The following MZT2B variants were observed in gnomAD, a reference collection of about 807,000 sequenced individuals.
The protein encoded by MZT2B is mitotic-spindle organizing protein 2B.
MZT2B carries 11 observed loss-of-function variants against 12.1 expected under a neutral mutation model. The ratio of observed to expected loss-of-function variants is 0.91; its 90% CI spans 0.57 to 1.50. MZT2B has a LOEUF of 1.50. Ranked by LOEUF, MZT2B falls within the 40% of genes most tolerant of loss-of-function variation. The pLI is 0.00. For missense variants in MZT2B, 209 were observed against 227.7 expected, an observed-to-expected ratio of 0.92 and a Z score of 0.53; for synonymous variants, 85 against 109.5, an observed-to-expected ratio of 0.78 and a Z score of 1.40.
At chr2:130,203,048 C>CTTTTTTCTTTTTTTTTTTTTTTTTTT in the MZT2B span, among the ~76,000 whole-genome samples, 1 of 118,528 alleles carries the variant, frequency 8.4e-6, no homozygotes, top group Non-Finnish European at 1.8e-5. Context: ...TTTCTTTTTT[C>CTTTTTTCTTTTTTTTTTTTTTTTTTT]TTTTTTTTTT....
the MZT2B span, among the ~76,000 whole-genome samples, chr2:130,201,954 T>C: frequency 3.0e-4 from 46 of 152,342 alleles, no homozygotes; most frequent in Admixed American, 1.2e-3. Context: ...CTGTCTGTTG[T>C]TGACCGAAAC....
the MZT2B span, among the ~76,000 whole-genome samples, chr2:130,201,333 A>T: frequency 6.6e-6 from 1 of 152,146 alleles, no homozygotes; most frequent in Non-Finnish European, 1.5e-5. Flanking sequence ...CTTAAACAGC[A>T]GGGTTTTATT....
downstream of MZT2B, chr2:130,195,169 C>T (rs775001454): frequency 6.2e-7 from 1 of 1,613,956 alleles, no homozygotes. Flanking sequence ...CATCTTCCTT[C>T]CCGGTGATCA....
intron 2 of MZT2B, among the ~76,000 whole-genome samples, chr2:130,190,158 A>G (rs970019149): frequency 1.3e-5 from 2 of 152,140 alleles, no homozygotes; most frequent in African/African-American, 2.4e-5. Context: ...GGACCAGCAC[A>G]CCTACCTTTC....
At position 130,182,871 on chromosome 2, in the gene MZT2B, A is replaced by C. The variant is rs1187712433; in HGVS notation, c.319+96A>C. 5 of 1,470,648 alleles carry C rather than the reference A, an allele frequency of 3.4e-6. No homozygotes were observed. In the African/African-American group the frequency reaches 4.2e-5, roughly 12 times the overall value. The allele number at this position is 1,470,648 out of a possible 1,614,324, so 91.1% of individuals were successfully genotyped here. On this transcript the variant is annotated intron_variant, in intron 2 of 2. Transcript: ENST00000281871. ...AGCGGCGGCGTGGCCCTGAGTGGCCAGGCCTGTCTGTCGGTCTAGGCCCAG... is the reference window on the plus strand; with the variant it reads ...AGCGGCGGCGTGGCCCTGAGTGGCCCGGCCTGTCTGTCGGTCTAGGCCCAG...
At chr2:130,184,336 C>T in intron 2 of MZT2B, 3 of 985,476 alleles carry the variant, frequency 3.0e-6, no homozygotes, top group Non-Finnish European at 1.2e-6. Context: ...GAAGTTGTCC[C>T]TTATCTGGAC....
chr2:130,184,702 G>A, intron 2 of MZT2B: 4 of 985,440 alleles, frequency 4.1e-6, no homozygotes, highest in Non-Finnish European at 4.8e-6. Flanking sequence ...AGGGGCAAGT[G>A]TCCAGCAGGA....
At chr2:130,198,942 G>A in the MZT2B span, among the ~76,000 whole-genome samples, 1 of 124,592 alleles carries the variant, frequency 8.0e-6, no homozygotes, top group East Asian at 2.6e-4. Context: ...CGGGCGCGAT[G>A]GCTAACGCCT....
At chr2:130,204,622 C>T in the MZT2B span, among the ~76,000 whole-genome samples, 4 of 140,996 alleles carry the variant, frequency 2.8e-5, no homozygotes, top group East Asian at 4.5e-4. Flanking sequence ...ACCTGGGAGG[C>T]GGAGGTTGCA....
At chr2:130,197,663 C>T in the MZT2B span, among the ~76,000 whole-genome samples, 1 of 126,276 alleles carries the variant, frequency 7.9e-6, no homozygotes, top group African/African-American at 2.7e-5. Context: ...CTGGAGTGCA[C>T]TGGCGCCATC....
chr2:130,181,853 G>A (rs779966397), upstream of MZT2B: 1 of 1,527,002 alleles, frequency 6.5e-7, no homozygotes, highest in Non-Finnish European at 8.8e-7. Flanking sequence ...GTTGATTAGT[G>A]CCCCCCCCTT....
At chr2:130,182,044 G>T, upstream of MZT2B, 1 of 1,348,134 alleles carries the variant, frequency 7.4e-7, no homozygotes, top group Non-Finnish European at 9.6e-7. Context: ...TCGCCAAGCA[G>T]CGGACCCCTG....
At chr2:130,194,084 G>A (rs561879037), downstream of MZT2B, 35 of 1,614,190 alleles carry the variant, frequency 2.2e-5, no homozygotes, top group South Asian at 1.5e-4. Context: ...CTGGAATTCC[G>A]TCAAGTCCAC....
At chr2:130,188,727 C>T (rs960967236) in intron 2 of MZT2B, among the ~76,000 whole-genome samples, 7 of 152,078 alleles carry the variant, frequency 4.6e-5, no homozygotes, top group Admixed American at 3.3e-4. Context: ...AAAGGAGGGC[C>T]GTCCTATCCC....
chr2:130,197,782 T>A, the MZT2B span, among the ~76,000 whole-genome samples: 2 of 123,436 alleles, frequency 1.6e-5, 1 homozygote, highest in Admixed American at 1.8e-4. Context: ...AATTTTAGTA[T>A]TTTTTTGTAG....
rs375693364 is a variant in MZT2B at position 130,182,758 on chromosome 2, G to C, written c.302G>C (p.Ser101Thr). The C allele has an allele frequency of 1.6e-4, 241 of 1,510,298 alleles. 1 individual carries two copies. In the East Asian group the frequency reaches 3.7e-3, roughly 23 times the overall value. The allele number at this position is 1,510,298 out of a possible 1,614,324, so 93.6% of individuals were successfully genotyped here. Residue 101 changes from serine to threonine, a missense_variant, in exon 2 of 3, where the codon AGC becomes ACC. Physicochemically the swap from Ser to Thr is moderately conservative, Grantham distance 58. Transcript: ENST00000281871. ...DPAAVSLPTS[S>T]VPETRGRNKG... The stretch of plus-strand genomic sequence containing the variant: ...GCGGCCGTGTCTCTGCCCACGTCGA[G>C]CGTGCCCGAGACCCGAGGTCAGAGC...
the MZT2B span, among the ~76,000 whole-genome samples, chr2:130,200,749 T>C: frequency 5.3e-5 from 8 of 152,148 alleles, no homozygotes; most frequent in African/African-American, 1.9e-4. Context: ...GTCACCTGAT[T>C]CTTCCTTTTT....
the MZT2B span, among the ~76,000 whole-genome samples, chr2:130,203,436 A>G: frequency 2.0e-5 from 3 of 152,106 alleles, no homozygotes; most frequent in South Asian, 6.3e-4. Flanking sequence ...CAAGTGTGAC[A>G]GTGACTAAAC....
downstream of MZT2B, chr2:130,195,010 T>G: frequency 6.9e-6 from 11 of 1,589,238 alleles, no homozygotes; most frequent in Admixed American, 1.7e-5. Context: ...TAAAATGACT[T>G]CCCTTTCACA....
Sources: gnomAD v4.1 joint callset for allele counts (sites outside exome capture counted in the v4.1 genomes callset) on GRCh38, gnomAD v4.1.1 for gene constraint, MANE v1.5 for transcripts, NCBI Gene and HGNC (gene_info 2026-07-23, HGNC 2026-07-21) for gene names.